The following SERGEF variants were observed in gnomAD, a reference collection of about 807,000 sequenced individuals.
SERGEF encodes the protein secretion-regulating guanine nucleotide exchange factor.
Under a neutral mutation model 50.0 loss-of-function variants are expected in SERGEF, and 51 were observed. The ratio of observed to expected loss-of-function variants is 1.02; its 90% CI spans 0.81 to 1.29. The LOEUF (loss-of-function observed/expected upper bound fraction) is 1.29. SERGEF is among the 50% of genes most tolerant of loss of function. The pLI, the probability that SERGEF is intolerant of heterozygous loss-of-function variation, is 0.00. For synonymous variants in SERGEF, 205 were observed against 212.4 expected, an observed-to-expected ratio of 0.97 and a Z score of 0.30; for missense variants, 521 against 557.0, an observed-to-expected ratio of 0.94 and a Z score of 0.65.
chr11:17,929,390 C>T (rs1368718312), intron 9 of SERGEF, among the ~76,000 whole-genome samples: 1 of 152,126 alleles, frequency 6.6e-6, no homozygotes, highest in African/African-American at 2.4e-5. Flanking sequence ...CAGGAAGACA[C>T]CCCATGGCTG....
chr11:17,947,514 GCTCTGTTTAC>G (rs1296874200), intron 9 of SERGEF, among the ~76,000 whole-genome samples: 6 of 152,324 alleles, frequency 3.9e-5, no homozygotes, highest in Middle Eastern at 3.4e-3. Flanking sequence ...CTCTTGGGTG[GCTCTGTTTAC>G]CTCCACTAGT....
chr11:17,881,937 T>C (rs1310004456), intron 9 of SERGEF, among the ~76,000 whole-genome samples: 1 of 152,238 alleles, frequency 6.6e-6, no homozygotes, highest in African/African-American at 2.4e-5. Context: ...GGTCCCTGTT[T>C]ACCTCTCTGG....
At chr11:17,873,157 ATCGG>A (rs1851176957) in intron 10 of SERGEF, among the ~76,000 whole-genome samples, 1 of 152,214 alleles carries the variant, frequency 6.6e-6, no homozygotes, top group Non-Finnish European at 1.5e-5. Flanking sequence ...GGAAGGCAGC[ATCGG>A]TCCACAGGCT....
intron 10 of SERGEF, among the ~76,000 whole-genome samples, chr11:17,858,542 T>C (rs1265557639): frequency 6.6e-6 from 1 of 152,076 alleles, no homozygotes; most frequent in Non-Finnish European, 1.5e-5. Context: ...TCCAAACATC[T>C]TACAAGGAAG....
At chr11:17,992,522 C>A (rs1185545831) in intron 7 of SERGEF, among the ~76,000 whole-genome samples, 3 of 152,090 alleles carry the variant, frequency 2.0e-5, no homozygotes, top group Non-Finnish European at 4.4e-5. Flanking sequence ...TATCAGAAAA[C>A]TACAAAGAAT....
chr11:17,961,422 G>A (rs1432496986), intron 8 of SERGEF, among the ~76,000 whole-genome samples: 1 of 152,178 alleles, frequency 6.6e-6, no homozygotes, highest in Non-Finnish European at 1.5e-5. Context: ...GGATGAGACT[G>A]TTGCTGCTTA....
At chr11:17,927,351 TAAAACCTA>T (rs995485425) in intron 9 of SERGEF, among the ~76,000 whole-genome samples, 1 of 152,230 alleles carries the variant, frequency 6.6e-6, no homozygotes, top group African/African-American at 2.4e-5. Flanking sequence ...AATGCCTCAC[TAAAACCTA>T]AGAAAGAAGG....
chr11:17,872,776 T>C (rs1473137512), intron 10 of SERGEF, among the ~76,000 whole-genome samples: 1 of 152,124 alleles, frequency 6.6e-6, no homozygotes, highest in African/African-American at 2.4e-5. Context: ...TCAAGATACA[T>C]AGGAACTTTG....
chr11:17,876,564 GAGA>G (rs1215008135), intron 10 of SERGEF, among the ~76,000 whole-genome samples: 1 of 152,220 alleles, frequency 6.6e-6, no homozygotes, highest in Admixed American at 6.5e-5. Context: ...TTACAAAGAT[GAGA>G]AGAATATGGA....
intron 10 of SERGEF, among the ~76,000 whole-genome samples, chr11:17,867,088 C>A (rs919489562): frequency 7.2e-5 from 11 of 152,204 alleles, no homozygotes; most frequent in African/African-American, 2.7e-4. Flanking sequence ...AATCTCATGT[C>A]CTCACATTTC....
At chr11:17,967,386 C>T (rs566308120) in intron 8 of SERGEF, among the ~76,000 whole-genome samples, 1 of 152,316 alleles carries the variant, frequency 6.6e-6, no homozygotes, top group African/African-American at 2.4e-5. Context: ...CAGGGACACA[C>T]ACGTGGGCTG....
chr11:17,864,082 C>T (rs1850978338), intron 10 of SERGEF, among the ~76,000 whole-genome samples: 1 of 152,224 alleles, frequency 6.6e-6, no homozygotes, highest in Non-Finnish European at 1.5e-5. Flanking sequence ...GGAAGGCTGT[C>T]TCTAACTTGC....
At chr11:17,849,463 G>C (rs1023313495) in intron 10 of SERGEF, among the ~76,000 whole-genome samples, 2 of 152,122 alleles carry the variant, frequency 1.3e-5, no homozygotes, top group African/African-American at 4.8e-5. Context: ...TCTGTTATTA[G>C]AAAGGGATAA....
At chr11:17,872,827 T>C (rs2133893585) in intron 10 of SERGEF, among the ~76,000 whole-genome samples, 1 of 152,354 alleles carries the variant, frequency 6.6e-6, no homozygotes, top group East Asian at 1.9e-4. Flanking sequence ...GGACAGCTTT[T>C]ATACTGATAT....
chr11:17,924,753 A>G (rs889061051), intron 9 of SERGEF, among the ~76,000 whole-genome samples: 4 of 152,204 alleles, frequency 2.6e-5, no homozygotes, highest in African/African-American at 9.6e-5. Context: ...ACTGAGTCTC[A>G]GAAAAATTGC....
At chr11:17,874,591 A>G (rs1371772330) in intron 10 of SERGEF, among the ~76,000 whole-genome samples, 1 of 152,262 alleles carries the variant, frequency 6.6e-6, no homozygotes, top group Non-Finnish European at 1.5e-5. Flanking sequence ...ATAAAGCAGC[A>G]GAGTAAAATT....
At chr11:17,892,249 C>T (rs963469303) in intron 9 of SERGEF, among the ~76,000 whole-genome samples, 1 of 152,226 alleles carries the variant, frequency 6.6e-6, no homozygotes, top group African/African-American at 2.4e-5. Flanking sequence ...GTTTACCAGC[C>T]CGTCATCCTT....
intron 8 of SERGEF, among the ~76,000 whole-genome samples, chr11:17,980,165 A>G (rs1853466537): frequency 6.6e-6 from 1 of 152,226 alleles, no homozygotes; most frequent in South Asian, 2.1e-4. Flanking sequence ...ATCCATCTTT[A>G]GGAACAAATA....
At chr11:17,914,287 C>T (rs1590194495) in intron 9 of SERGEF, among the ~76,000 whole-genome samples, 1 of 152,252 alleles carries the variant, frequency 6.6e-6, no homozygotes, top group Admixed American at 6.5e-5. Flanking sequence ...CACATTATTT[C>T]AGCTACATAT....
Sources: allele counts gnomAD v4.1 joint callset (sites outside exome capture counted in the v4.1 genomes callset), GRCh38; gene constraint gnomAD v4.1.1; transcripts MANE v1.5; gene names NCBI Gene and HGNC (gene_info 2026-07-23, HGNC 2026-07-21).